TMEM132D: variants seen among roughly 807,000 people sequenced by gnomAD.
TMEM132D encodes the protein transmembrane protein 132D, also known as mature OL transmembrane protein.
TMEM132D carries 21 observed loss-of-function variants against 62.3 expected under a neutral mutation model. The observed-to-expected ratio is 0.34, with a 90% CI of 0.24 to 0.49. TMEM132D has a LOEUF of 0.49. Ranked by LOEUF, TMEM132D falls within the 20% of genes least tolerant of loss-of-function variation. The probability of loss-of-function intolerance (pLI) is 0.99; values close to 1 mark genes in which losing one functional copy is unlikely to be tolerated. For synonymous variants in TMEM132D, 621 were observed against 575.6 expected (o/e 1.08, Z -1.13); for missense variants, 1,346 against 1,402.8 (o/e 0.96, Z 0.65).
intron 3 of TMEM132D, among the ~76,000 whole-genome samples, chr12:129,529,849 C>T (rs1332061163): frequency 6.6e-6 from 1 of 152,164 alleles, no homozygotes; most frequent in African/African-American, 2.4e-5. Flanking sequence ...TGAGATAGCA[C>T]CTGATTTCCA....
intron 2 of TMEM132D, among the ~76,000 whole-genome samples, chr12:129,571,808 G>T (rs1238842935): frequency 2.0e-5 from 3 of 152,038 alleles, no homozygotes; most frequent in Non-Finnish European, 2.9e-5. Flanking sequence ...CTTAGAGAAA[G>T]AAAATATTTA....
chr12:129,453,713 CTT>C (rs1482801120), intron 3 of TMEM132D, among the ~76,000 whole-genome samples: 3 of 152,172 alleles, frequency 2.0e-5, no homozygotes, highest in Admixed American at 2.0e-4. Context: ...GAAGATGTCT[CTT>C]CTTTGTTTGC....
intron 1 of TMEM132D, among the ~76,000 whole-genome samples, chr12:129,849,649 G>A (rs1356610742): frequency 6.6e-6 from 1 of 152,190 alleles, no homozygotes; most frequent in Non-Finnish European, 1.5e-5. Flanking sequence ...TTGCTGGTGA[G>A]GAAAGCAGGG....
chr12:129,196,714 T>C (rs1398098464), intron 5 of TMEM132D, among the ~76,000 whole-genome samples: 1 of 152,188 alleles, frequency 6.6e-6, no homozygotes, highest in Non-Finnish European at 1.5e-5. Context: ...TGTGTTCCCA[T>C]TTCTCCAGGA....
At chr12:129,808,064 G>A (rs1216690924) in intron 1 of TMEM132D, among the ~76,000 whole-genome samples, 1 of 152,186 alleles carries the variant, frequency 6.6e-6, no homozygotes, top group African/African-American at 2.4e-5. Flanking sequence ...ACAAATTATA[G>A]AACTCAATTT....
intron 2 of TMEM132D, among the ~76,000 whole-genome samples, chr12:129,537,882 G>T (rs149597831): frequency 2.0e-5 from 3 of 152,206 alleles, no homozygotes; most frequent in African/African-American, 7.2e-5. Flanking sequence ...AAAATCCCTA[G>T]AAGCAAAGCT....
At chr12:129,529,692 T>C (rs1255803617) in intron 3 of TMEM132D, among the ~76,000 whole-genome samples, 1 of 152,202 alleles carries the variant, frequency 6.6e-6, no homozygotes, top group Non-Finnish European at 1.5e-5. Flanking sequence ...AACACATCTA[T>C]TCATCCACCC....
chr12:129,503,820 T>G (rs1875236550), intron 3 of TMEM132D, among the ~76,000 whole-genome samples: 1 of 152,164 alleles, frequency 6.6e-6, no homozygotes, highest in South Asian at 2.1e-4. Context: ...TAATAATTAT[T>G]TCTTCATTTC....
At chr12:129,624,276 C>A (rs1273794091) in intron 2 of TMEM132D, among the ~76,000 whole-genome samples, 1 of 152,192 alleles carries the variant, frequency 6.6e-6, no homozygotes, top group African/African-American at 2.4e-5. Flanking sequence ...AATGCAAAAG[C>A]TTCTCTTTAA....
intron 3 of TMEM132D, among the ~76,000 whole-genome samples, chr12:129,488,475 C>A (rs1314721647): frequency 6.6e-6 from 1 of 152,070 alleles, no homozygotes; most frequent in African/African-American, 2.4e-5. Flanking sequence ...GAGTTTGAAA[C>A]CAGCCTGGGC....
intron 1 of TMEM132D, among the ~76,000 whole-genome samples, chr12:129,800,951 G>A (rs1203732125): frequency 6.6e-6 from 1 of 152,202 alleles, no homozygotes; most frequent in African/African-American, 2.4e-5. Flanking sequence ...AGAAAGGGGT[G>A]ACAGACGGCA....
chr12:129,453,420 C>G (rs1398362942), intron 3 of TMEM132D, among the ~76,000 whole-genome samples: 2 of 152,202 alleles, frequency 1.3e-5, no homozygotes, highest in African/African-American at 4.8e-5. Flanking sequence ...GCTAAGTCTG[C>G]TCCTTTCAAC....
At chr12:129,162,182 A>C (rs1877418198) in intron 5 of TMEM132D, among the ~76,000 whole-genome samples, 1 of 152,138 alleles carries the variant, frequency 6.6e-6, no homozygotes, top group African/African-American at 2.4e-5. Flanking sequence ...GTGGGGCCCT[A>C]ATCTGATAGG....
chr12:129,544,893 C>G (rs188933217), intron 2 of TMEM132D, among the ~76,000 whole-genome samples: 67 of 152,304 alleles, frequency 4.4e-4, no homozygotes, highest in Non-Finnish European at 8.8e-4. Context: ...AATGTGTTTT[C>G]ACAGACATCA....
intron 1 of TMEM132D, among the ~76,000 whole-genome samples, chr12:129,726,932 G>A (rs1869054865): frequency 6.6e-6 from 1 of 152,150 alleles, no homozygotes; most frequent in Non-Finnish European, 1.5e-5. Flanking sequence ...CTCAACTGTG[G>A]CTGTGTGCTG....
chr12:129,157,564 A>G (rs1183136533), intron 5 of TMEM132D, among the ~76,000 whole-genome samples: 8 of 152,272 alleles, frequency 5.3e-5, no homozygotes, highest in African/African-American at 1.2e-4. Flanking sequence ...AATTGAAAAT[A>G]TGATGTAAAC....
Position 129,903,903 on chromosome 12 carries a change from G to T in TMEM132D, c.-564C>A, listed in dbSNP as rs1875462923. On this transcript the variant is annotated 5_prime_UTR_variant, in exon 1 of 9. Coordinates refer to ENST00000422113, the MANE Select transcript of TMEM132D (RefSeq NM_133448.3). This position sits in a 1 kb window ranked among gnomAD's most constrained non-coding sequence, Gnocchi z 6.2. ...GGCCGGCCGCTGCGCCTCGGGGCTC[G>T]GGCGCGCGCGCGCTCCGGCACCCAA... is the stretch of plus-strand genomic sequence containing the variant. Among the ~76,000 whole-genome samples, 4 of 146,880 alleles carry T rather than the reference G, an allele frequency of 2.7e-5. No individual in the cohort carries two copies. In the South Asian group the frequency reaches 8.3e-4, roughly 30 times the overall value.
intron 1 of TMEM132D, among the ~76,000 whole-genome samples, chr12:129,776,804 A>AG (rs1160228805): frequency 1.5e-4 from 23 of 151,518 alleles, no homozygotes; most frequent in African/African-American, 4.8e-4. Context: ...AAAAAAAAAA[A>AG]AAAGAAAAGG....
chr12:129,897,842 G>A (rs1327702892), intron 1 of TMEM132D, among the ~76,000 whole-genome samples: 1 of 152,170 alleles, frequency 6.6e-6, no homozygotes, highest in East Asian at 1.9e-4. Context: ...TCTGCACTCA[G>A]CCCCTGGCAA....
Sources: gnomAD v4.1 joint callset for allele counts (sites outside exome capture counted in the v4.1 genomes callset) on GRCh38, gnomAD v4.1.1 for gene constraint, Gnocchi (gnomAD v3.1) non-coding constraint, MANE v1.5 for transcripts, NCBI Gene and HGNC (gene_info 2026-07-23, HGNC 2026-07-21) for gene names.